The following DSCAM variants were observed in gnomAD, a reference collection of about 807,000 sequenced individuals.
The protein encoded by DSCAM is DS cell adhesion molecule, also known as cell adhesion molecule DSCAM.
A neutral mutation model predicts 217.7 loss-of-function variants in DSCAM; 47 were observed. That is an observed-to-expected ratio of 0.22 (90% CI 0.17 to 0.28). DSCAM has a LOEUF of 0.28. Ranked by LOEUF, DSCAM falls within the 10% of genes least tolerant of loss-of-function variation. DSCAM has a pLI of 1.00. For synonymous variants in DSCAM, 1,056 were observed against 1,015.3 expected (o/e 1.04, Z -0.76); for missense variants, 2,080 against 2,618.3 (o/e 0.79, Z 4.49).
chr21:40,291,733 A>AT (rs2073894900), intron 10 of DSCAM, among the ~76,000 whole-genome samples: 1 of 152,102 alleles, frequency 6.6e-6, no homozygotes, highest in Non-Finnish European at 1.5e-5. Flanking sequence ...ATGCTATTTT[A>AT]AATGCAAACT....
chr21:40,468,166 T>C lies in DSCAM; in HGVS notation c.509-98921A>G, dbSNP rs2145962032. 1.3e-5 allele frequency among the ~76,000 whole-genome samples: 2 copies of C among 152,308 alleles called. 1 individual carries two copies. Among genetic ancestry groups the C allele is most frequent in the Admixed American group, 1.3e-4 (2 of 15,292 alleles). ...TCCTCTGCCCTATGTTTATTTTATCTTATGTAAAAATAAAGATTCACTGAA... is the reference window on the plus strand; with the variant it reads ...TCCTCTGCCCTATGTTTATTTTATCCTATGTAAAAATAAAGATTCACTGAA... On this transcript the variant is annotated intron_variant, in intron 3 of 32. Transcript: ENST00000400454.
In DSCAM at chr21:40,610,785, G is replaced by C. The variant is rs553415251; in HGVS notation, c.508+82025C>G. Among the ~76,000 whole-genome samples, 4 of 152,314 alleles carry C rather than the reference G, an allele frequency of 2.6e-5. No homozygotes were observed. The South Asian group carries it at 8.3e-4, about 32-fold the overall frequency. ...CTTAAAAAGATGAGACCTATGCAAG[G>C]TCCAGTCAGCTTTGAAATGCACTGG... On this transcript the variant is annotated intron_variant, in intron 3 of 32. Transcript: ENST00000400454.
At chr21:40,515,596 G>A (rs2146072942) in intron 3 of DSCAM, among the ~76,000 whole-genome samples, 1 of 152,242 alleles carries the variant, frequency 6.6e-6, no homozygotes, top group Middle Eastern at 3.4e-3. Context: ...ACTTAGAGGA[G>A]TGTTGTAAAA....
chr21:40,748,808 G>T (rs1023646252), intron 1 of DSCAM, among the ~76,000 whole-genome samples: 5 of 151,964 alleles, frequency 3.3e-5, no homozygotes, highest in African/African-American at 7.2e-5. Context: ...AAAGCTTCAG[G>T]CATCACTCTA....
At chr21:40,818,397 T>G (rs1331006020) in intron 1 of DSCAM, among the ~76,000 whole-genome samples, 1 of 150,260 alleles carries the variant, frequency 6.7e-6, no homozygotes, top group Admixed American at 6.6e-5. Context: ...ATACAAAAAA[T>G]TAGCTGGGTG....
intron 20 of DSCAM, among the ~76,000 whole-genome samples, chr21:40,115,349 G>A (rs1484396081): frequency 6.6e-6 from 1 of 152,118 alleles, no homozygotes; most frequent in African/African-American, 2.4e-5. Context: ...TCACTCATAG[G>A]TGGGAATTGA....
At chr21:40,621,011 T>A (rs922965927) in intron 3 of DSCAM, among the ~76,000 whole-genome samples, 5 of 152,172 alleles carry the variant, frequency 3.3e-5, no homozygotes, top group Non-Finnish European at 1.5e-5. Flanking sequence ...TCCATTGATA[T>A]GACATTCTAG....
intron 15 of DSCAM, among the ~76,000 whole-genome samples, chr21:40,174,551 A>G (rs1380761521): frequency 2.8e-4 from 42 of 148,216 alleles, no homozygotes; most frequent in Non-Finnish European, 1.3e-4. Context: ...TTTTTTAAAG[A>G]TGAAAAAACT....
intron 1 of DSCAM, among the ~76,000 whole-genome samples, chr21:40,795,455 AT>A (rs1290012868): frequency 1.3e-5 from 2 of 152,048 alleles, no homozygotes; most frequent in Non-Finnish European, 2.9e-5. Flanking sequence ...CCAGACTCCT[AT>A]TTATTTAGGC....
intron 3 of DSCAM, among the ~76,000 whole-genome samples, chr21:40,620,209 AAGAG>A (rs1195589562): frequency 1.5e-4 from 17 of 116,674 alleles, no homozygotes; most frequent in African/African-American, 4.9e-4. Flanking sequence ...GAAAGAGAGA[AAGAG>A]AGAGAAAAAA....
intron 3 of DSCAM, among the ~76,000 whole-genome samples, chr21:40,544,738 G>A (rs2076567774): frequency 6.6e-6 from 1 of 152,098 alleles, no homozygotes; most frequent in Non-Finnish European, 1.5e-5. Flanking sequence ...AATGTGTTAT[G>A]ACAACCCTAG....
intron 4 of DSCAM, among the ~76,000 whole-genome samples, chr21:40,368,450 A>T (rs970452283): frequency 3.3e-5 from 5 of 152,234 alleles, no homozygotes; most frequent in African/African-American, 1.2e-4. Flanking sequence ...TTTAATTCTG[A>T]CTTGTATTTG....
intron 6 of DSCAM, among the ~76,000 whole-genome samples, chr21:40,341,538 AACG>A (rs2074491404): frequency 1.3e-5 from 2 of 152,324 alleles, no homozygotes; most frequent in African/African-American, 4.8e-5. Flanking sequence ...TAACCACAAA[AACG>A]ATCAAGATAT....
chr21:40,045,562 C>T (rs540652401), intron 30 of DSCAM, among the ~76,000 whole-genome samples: 88 of 152,200 alleles, frequency 5.8e-4, no homozygotes, highest in Non-Finnish European at 1.1e-3. Context: ...GCTACAACAT[C>T]GCCTCTTCTG....
intron 3 of DSCAM, among the ~76,000 whole-genome samples, chr21:40,385,932 A>C (rs1382595627): frequency 6.6e-6 from 1 of 152,224 alleles, no homozygotes; most frequent in African/African-American, 2.4e-5. Flanking sequence ...ATCTTTGGCC[A>C]ATGGGATTTT....
chr21:40,339,307 C>T lies in DSCAM; in HGVS notation c.1319G>A (p.Trp440Ter). ...VKGTPLPTIT[W>*]TLDDDPILKG... ...GAGAATCGGGTCATCGTCCAGGGTC[C>T]ACGTGATCGTGGGCAAAGGTGTTCC... Residue 440 changes from tryptophan (W) to a stop codon, truncating the protein, a stop_gained, in exon 7 of 33, where the codon TGG becomes TAG. Coordinates refer to ENST00000400454, the MANE Select transcript of DSCAM (RefSeq NM_001389.5). LOFTEE classifies it high-confidence loss of function. 6.2e-7 allele frequency: 1 copy of T among 1,614,154 alleles called. No individual in the cohort carries two copies. Among genetic ancestry groups the T allele is most frequent in the Non-Finnish European group, 8.5e-7 (1 of 1,180,040 alleles).
At chr21:40,837,368 GAC>G (rs1441073494) in intron 1 of DSCAM, among the ~76,000 whole-genome samples, 1 of 152,126 alleles carries the variant, frequency 6.6e-6, no homozygotes, top group African/African-American at 2.4e-5. Context: ...GATCCCCCAA[GAC>G]ACAAATAAAC....
intron 25 of DSCAM, among the ~76,000 whole-genome samples, chr21:40,079,591 C>T (rs1192887516): frequency 3.9e-5 from 6 of 152,172 alleles, no homozygotes; most frequent in Non-Finnish European, 1.5e-5. Context: ...AAGACATCTC[C>T]TCACCTTCTT....
intron 8 of DSCAM, among the ~76,000 whole-genome samples, chr21:40,325,665 G>C (rs958995338): frequency 2.6e-5 from 4 of 152,282 alleles, no homozygotes; most frequent in East Asian, 1.9e-4. Flanking sequence ...GACATCTCCT[G>C]AGAGTATAAA....
Sources: allele counts gnomAD v4.1 joint callset (sites outside exome capture counted in the v4.1 genomes callset), GRCh38; gene constraint gnomAD v4.1.1; transcripts MANE v1.5; gene names NCBI Gene and HGNC (gene_info 2026-07-23, HGNC 2026-07-21).